The following ENTREP2 variants were observed in gnomAD, a reference collection of about 807,000 sequenced individuals.
ENTREP2 encodes protein ENTREP2.
chr15:29,132,906 G>A, the ENTREP2 span, among the ~76,000 whole-genome samples: 3 of 152,134 alleles, frequency 2.0e-5, no homozygotes, highest in Non-Finnish European at 4.4e-5. Flanking sequence ...CAGTCCCAGT[G>A]CAGAGCCGGA....
the ENTREP2 span, among the ~76,000 whole-genome samples, chr15:29,505,782 G>T: frequency 1.3e-5 from 2 of 152,300 alleles, no homozygotes; most frequent in Admixed American, 1.3e-4. This position sits in a 1 kb window ranked among gnomAD's most constrained non-coding sequence, Gnocchi z 4.3. Flanking sequence ...ACCAAAGGTA[G>T]ATAAATCCAT....
chr15:29,424,501 A>G, the ENTREP2 span, among the ~76,000 whole-genome samples: 1 of 152,006 alleles, frequency 6.6e-6, no homozygotes, highest in Non-Finnish European at 1.5e-5. Context: ...CTCTTTTAAT[A>G]TTGCTATTGA....
the ENTREP2 span, among the ~76,000 whole-genome samples, chr15:29,282,048 C>T: frequency 0.082 from 12,511 of 152,156 alleles, 1,740 homozygotes; most frequent in African/African-American, 0.28. Context: ...GTTAGAAAGT[C>T]AGGATTTGTT....
chr15:29,305,026 T>G, the ENTREP2 span, among the ~76,000 whole-genome samples: 2 of 152,182 alleles, frequency 1.3e-5, no homozygotes, highest in East Asian at 3.9e-4. Context: ...ACGTTACCAT[T>G]TTTAGTCTAT....
chr15:29,424,218 T>C, the ENTREP2 span, among the ~76,000 whole-genome samples: 4 of 152,098 alleles, frequency 2.6e-5, no homozygotes, highest in Admixed American at 2.0e-4. Flanking sequence ...GCAGCAAAAA[T>C]ACAAAACCTC....
At chr15:29,386,897 G>A in the ENTREP2 span, among the ~76,000 whole-genome samples, 1 of 152,158 alleles carries the variant, frequency 6.6e-6, no homozygotes, top group Non-Finnish European at 1.5e-5. Flanking sequence ...GGAGATTTTG[G>A]GCTGAGACCA....
At chr15:29,654,165 G>A in the ENTREP2 span, among the ~76,000 whole-genome samples, 4 of 152,120 alleles carry the variant, frequency 2.6e-5, no homozygotes, top group African/African-American at 7.2e-5. Flanking sequence ...AACTGATCAG[G>A]TTTTCTCTAA....
the ENTREP2 span, among the ~76,000 whole-genome samples, chr15:29,630,748 C>T: frequency 1.3e-5 from 2 of 152,152 alleles, no homozygotes; most frequent in African/African-American, 4.8e-5. Flanking sequence ...AGTGCAGTGG[C>T]ATGATCTCAG....
At chr15:29,607,294 C>A in the ENTREP2 span, among the ~76,000 whole-genome samples, 3 of 146,682 alleles carry the variant, frequency 2.0e-5, no homozygotes, top group Non-Finnish European at 4.5e-5. Flanking sequence ...AAATCCTTCT[C>A]TCTTCATTTC....
the ENTREP2 span, among the ~76,000 whole-genome samples, chr15:29,407,330 G>T: frequency 6.6e-6 from 1 of 152,146 alleles, no homozygotes; most frequent in Non-Finnish European, 1.5e-5. Context: ...GACCACCATT[G>T]TATACACAGT....
At chr15:29,643,827 G>T in the ENTREP2 span, among the ~76,000 whole-genome samples, 1 of 150,882 alleles carries the variant, frequency 6.6e-6, no homozygotes, top group East Asian at 1.9e-4. Flanking sequence ...TGAAGGAATT[G>T]TAACTCTCAT....
chr15:29,357,804 A>C, the ENTREP2 span, among the ~76,000 whole-genome samples: 1 of 151,598 alleles, frequency 6.6e-6, no homozygotes, highest in Non-Finnish European at 1.5e-5. Context: ...GTGCCACTGC[A>C]CTCCAGCCTG....
the ENTREP2 span, among the ~76,000 whole-genome samples, chr15:29,141,289 C>T: frequency 6.6e-6 from 1 of 152,222 alleles, no homozygotes. Flanking sequence ...GCACTGAGGG[C>T]CCACAGGATG....
At chr15:29,154,944 A>G in the ENTREP2 span, among the ~76,000 whole-genome samples, 30,423 of 152,194 alleles carry the variant, frequency 0.2, 5,770 homozygotes, top group African/African-American at 0.5. Context: ...ATAGAACCCC[A>G]TGCACATGTG....
chr15:29,269,144 T>A, the ENTREP2 span: 1 of 1,614,128 alleles, frequency 6.2e-7, no homozygotes, highest in Non-Finnish European at 8.5e-7. Flanking sequence ...TTGCCCTTCA[T>A]AAAGATGAGC....
chr15:29,342,099 C>T, the ENTREP2 span, among the ~76,000 whole-genome samples: 1 of 152,140 alleles, frequency 6.6e-6, no homozygotes, highest in Non-Finnish European at 1.5e-5. Context: ...TTGGCCAGGC[C>T]GCCATGCAGG....
the ENTREP2 span, among the ~76,000 whole-genome samples, chr15:29,323,367 A>G: frequency 4.6e-5 from 7 of 152,180 alleles, no homozygotes; most frequent in African/African-American, 1.7e-4. Flanking sequence ...CCGGGTTCAG[A>G]GAGCTTCCTG....
At chr15:29,656,022 T>TAAAAAAAA in the ENTREP2 span, among the ~76,000 whole-genome samples, 1 of 100,400 alleles carries the variant, frequency 1.0e-5, no homozygotes. Flanking sequence ...ACACTCCGTT[T>TAAAAAAAA]AAAAAAAAAA....
chr15:29,417,897 A>G, the ENTREP2 span, among the ~76,000 whole-genome samples: 1 of 152,190 alleles, frequency 6.6e-6, no homozygotes, highest in African/African-American at 2.4e-5. Flanking sequence ...TGTTTTTAAC[A>G]TTTGATCACA....
Sources: allele counts gnomAD v4.1 joint callset (sites outside exome capture counted in the v4.1 genomes callset), GRCh38; gene constraint gnomAD v4.1.1; non-coding constraint Gnocchi (gnomAD v3.1); transcripts MANE v1.5; gene names NCBI Gene and HGNC (gene_info 2026-07-23, HGNC 2026-07-21).